ATP4A: variants seen among roughly 807,000 people sequenced by gnomAD.
ATP4A encodes potassium-transporting ATPase alpha chain 1.
Under a neutral mutation model 112.1 loss-of-function variants are expected in ATP4A, and 73 were observed. The ratio of observed to expected loss-of-function variants is 0.65; its 90% CI spans 0.54 to 0.79. The LOEUF is 0.79. Among genes scored for constraint, ATP4A ranks in the 30% least tolerant of loss-of-function variants. The pLI, the probability that ATP4A is intolerant of heterozygous loss-of-function variation, is 0.00. For synonymous variants in ATP4A, 588 were observed against 588.9 expected, an observed-to-expected ratio of 1.00 and a Z score of 0.02; for missense variants, 1,081 against 1,425.9, an observed-to-expected ratio of 0.76 and a Z score of 3.90.
chr19:35,557,619 G>C lies in ATP4A; in HGVS notation c.1693+36C>G. 1.9e-6 allele frequency: 3 copies of C among 1,571,020 alleles called. No individual in the cohort carries two copies. The South Asian group carries it at 3.5e-5, about 18-fold the overall frequency. ...GCAGGGTCTGTGCTAGCTCCTCCTC[G>C]CACCTGGAGTCTCCTCCCCTGCCCA... On this transcript the variant is annotated intron_variant, in intron 11 of 21. Transcript: ENST00000262623. This position sits in a 1 kb window ranked among gnomAD's most constrained non-coding sequence, Gnocchi z 4.4.
At position 35,557,645 on chromosome 19, in the gene ATP4A, G is replaced by A. The variant is rs1458213326; in HGVS notation, c.1693+10C>T. 1.2e-6 allele frequency: 2 copies of A among 1,601,368 alleles called. No homozygotes were observed. Among genetic ancestry groups the A allele is most frequent in the South Asian group, 2.2e-5 (2 of 88,992 alleles). On this transcript the variant is annotated intron_variant, in intron 11 of 21. Coordinates refer to ENST00000262623, the MANE Select transcript of ATP4A (RefSeq NM_000704.3). This position sits in a 1 kb window ranked among gnomAD's most constrained non-coding sequence, Gnocchi z 4.4. ...CACCTGGAGTCTCCTCCCCTGCCCA[G>A]GGGTCTCACCGAGCACGCGTTCGCC...
intron 18 of ATP4A, among the ~76,000 whole-genome samples, chr19:35,552,121 A>T (rs999456103): frequency 6.6e-6 from 1 of 152,016 alleles, no homozygotes; most frequent in Admixed American, 6.6e-5. Flanking sequence ...ATCTCAGCTC[A>T]CTGCAACTTC....
In ATP4A at chr19:35,559,599, G is replaced by T. The variant is rs900397272; in HGVS notation, c.1056+206C>A. Among the ~76,000 whole-genome samples the T allele has an allele frequency of 6.6e-6, 1 of 152,248 alleles. No homozygotes were observed. Among genetic ancestry groups the T allele is most frequent in the Non-Finnish European group, 1.5e-5 (1 of 68,038 alleles). ...TTAAGGACCCGGCCTCGTCATCTCTGCGCCCTCAATGTGTGGCACAGGACT... is the reference window on the plus strand; with the variant it reads ...TTAAGGACCCGGCCTCGTCATCTCTTCGCCCTCAATGTGTGGCACAGGACT... On this transcript the variant is annotated intron_variant, in intron 7 of 21. Coordinates refer to ENST00000262623, the MANE Select transcript of ATP4A (RefSeq NM_000704.3). The surrounding 1 kb of genome is among the most constrained non-coding windows in gnomAD (Gnocchi z 4.1).
rs146641851 is a variant in ATP4A, at chr19:35,550,894, C to T, written c.3019G>A (p.Gly1007Ser). The T allele has an allele frequency of 2.5e-5, 40 of 1,614,030 alleles. No homozygotes were observed. In the African/African-American group the frequency reaches 3.7e-4, roughly 15 times the overall value. Reference protein sequence around the residue: ...FQWWLVPLPYGILIFVYDEIR... With the variant: ...FQWWLVPLPYSILIFVYDEIR... ...TCATCATAGACGAAGATGAGGATGC[C>T]GTAGGGCAGGGGGACCAGCCACCAC... is the stretch of plus-strand genomic sequence containing the variant. The change falls in exon 21 of 22, where the codon GGC becomes AGC. Residue 1007 changes from glycine (G) to serine (S), a missense_variant. Physicochemically the swap from Gly to Ser is moderately conservative, Grantham distance 56. Around this residue, in one of 3 missense-constraint regions of ATP4A, gnomAD observed 219 missense variants for 320.9 expected, o/e 0.68. Transcript: ENST00000262623. The surrounding 1 kb of genome is among the most constrained non-coding windows in gnomAD (Gnocchi z 4.1).
At position 35,551,600 on chromosome 19, in the gene ATP4A, GGAAACAGCCTGA is replaced by G. The variant is rs775630842; in HGVS notation, c.2752-32_2752-21del. Reference sequence around the variant, plus strand: ...GAATGTCTGCAGGCCAGGGGCAAACGGAAACAGCCTGAGTCCAGCCTGAGTCCCGGCGGAGAG... The same window carrying G: ...GAATGTCTGCAGGCCAGGGGCAAACGGTCCAGCCTGAGTCCCGGCGGAGAG... On this transcript the variant is annotated intron_variant, in intron 18 of 21. Coordinates refer to ENST00000262623, the MANE Select transcript of ATP4A (RefSeq NM_000704.3). The surrounding 1 kb of genome is among the most constrained non-coding windows in gnomAD (Gnocchi z 5.2). The G allele has an allele frequency of 3.5e-5, 57 of 1,607,442 alleles. No homozygotes were observed. Among genetic ancestry groups the G allele is most frequent in the Non-Finnish European group, 4.7e-5 (55 of 1,177,056 alleles).
intron 4 of ATP4A, among the ~76,000 whole-genome samples, chr19:35,561,670 A>G (rs1599575448): frequency 6.7e-6 from 1 of 148,932 alleles, no homozygotes; most frequent in Non-Finnish European, 1.5e-5. Flanking sequence ...CTGCACCTCC[A>G]TTTCCTCTCT....
rs2071641369 is a variant in ATP4A, at chr19:35,557,900, G to A, written c.1501-53C>T. 8.5e-7 allele frequency: 1 copy of A among 1,175,594 alleles called. No individual in the cohort carries two copies. The highest frequency in any genetic ancestry group is 1.1e-6 in the Non-Finnish European group (1 of 878,238). 72.8% of individuals were successfully genotyped at this position (1,175,594 alleles called of 1,614,324 possible). On this transcript the variant is annotated intron_variant, in intron 10 of 21. Coordinates refer to ENST00000262623, the MANE Select transcript of ATP4A (RefSeq NM_000704.3). The surrounding 1 kb of genome is among the most constrained non-coding windows in gnomAD (Gnocchi z 4.4). Reference sequence around the variant, plus strand: ...GTGGACGGGGGAACGGGGCGGGGCTGTGGACGAGGGAACGGGGCGGGGCTG... The same window carrying A: ...GTGGACGGGGGAACGGGGCGGGGCTATGGACGAGGGAACGGGGCGGGGCTG...
rs2071684952 is a variant in ATP4A at position 35,563,500 on chromosome 19, G to A, written c.40C>T (p.Leu14=). Residue 14 remains leucine, a synonymous_variant, in exon 2 of 22, where the codon CTG becomes TTG. Transcript: ENST00000262623. The stretch of plus-strand genomic sequence containing the variant: ...ATGTCCCCGCCAGGGCCAGGACCCA[G>A]CTCCACCGAGTAGAGCTCATAGTTC... ...AENYELYSVE[L]GPGPGGDMAA... 2 of 1,613,060 alleles carry A rather than the reference G, an allele frequency of 1.2e-6. No individual in the cohort carries two copies. The highest frequency in any genetic ancestry group is 4.5e-5 in the East Asian group (2 of 44,806).
At chr19:35,563,116 C>T (rs7247310) in intron 3 of ATP4A, 93 bp downstream of exon 3, 161,057 of 1,419,654 alleles carry the variant, frequency 0.11, 10,198 homozygotes, top group African/African-American at 0.19. Flanking sequence ...TCATCTCTCC[C>T]TCTCTCTCCC....
rs148977576 is a variant in ATP4A at position 35,555,470 on chromosome 19, C to T, written c.2127G>A (p.Lys709=). 385 of 1,612,094 alleles carry T rather than the reference C, an allele frequency of 2.4e-4. No homozygotes were observed. Among genetic ancestry groups the T allele is most frequent in the Non-Finnish European group, 3.1e-4 (368 of 1,178,990 alleles). The part of the protein sequence containing the change: ...MVFARTSPQQ[K]LVIVESCQRL... ...GCTGGCAGCTCTCCACGATCACCAG[C>T]TTCTGCTGGGGGCTGGTGCGCGCAA... Residue 709 remains lysine (K), a synonymous_variant, in exon 14 of 22, where the codon AAG becomes AAA. Transcript: ENST00000262623. The surrounding 1 kb of genome is among the most constrained non-coding windows in gnomAD (Gnocchi z 6.6).
Position 35,550,445 on chromosome 19 carries a change from G to T in ATP4A, c.*170C>A. The T allele has an allele frequency of 1.2e-6, 1 of 804,880 alleles. No homozygotes were observed. Among genetic ancestry groups the T allele is most frequent in the Non-Finnish European group, 2.0e-6 (1 of 508,780 alleles). The allele number at this position is 804,880 out of a possible 1,614,324, so 49.9% of individuals were successfully genotyped here. On this transcript the variant is annotated 3_prime_UTR_variant, in exon 22 of 22. Coordinates refer to ENST00000262623, the MANE Select transcript of ATP4A (RefSeq NM_000704.3). The surrounding 1 kb of genome is among the most constrained non-coding windows in gnomAD (Gnocchi z 4.1). Reference sequence around the variant, plus strand: ...GTGCGAACCTTGGGAATGGGGGAGGGGAGTGGGCAGGTCCCTCCAAGTTTG... The same window carrying T: ...GTGCGAACCTTGGGAATGGGGGAGGTGAGTGGGCAGGTCCCTCCAAGTTTG...
At position 35,557,251 on chromosome 19, in the gene ATP4A, AC is replaced by A. The variant is rs553588769; in HGVS notation, c.1694-164del. Among the ~76,000 whole-genome samples, 241 of 151,806 alleles carry A rather than the reference AC, an allele frequency of 1.6e-3. No individual in the cohort carries two copies. The highest frequency in any genetic ancestry group is 2.6e-3 in the Non-Finnish European group (177 of 67,938). On this transcript the variant is annotated intron_variant, in intron 11 of 21. Transcript: ENST00000262623. The surrounding 1 kb of genome is among the most constrained non-coding windows in gnomAD (Gnocchi z 4.4). ...ATTATCTGAATCTACCCTCACAACC[AC>A]CCTGTGAGGCCCATTCTCATCTTAC... is the stretch of plus-strand genomic sequence containing the variant.
At position 35,560,408 on chromosome 19, in the gene ATP4A, G is replaced by A; in HGVS notation, c.742C>T (p.Leu248=). The A allele has an allele frequency of 6.2e-7, 1 of 1,614,062 alleles. No individual in the cohort carries two copies. The highest frequency in any genetic ancestry group is 8.5e-7 in the Non-Finnish European group (1 of 1,180,018). ...AAGAAGGCGATGTTGCGGGTCTCCA[G>A]AGGGCTCTCGTGCGTGCACTCGGGT... ...RSPECTHESP[L]ETRNIAFFST... is the part of the protein sequence containing the mutation. The change falls in exon 6 of 22, where the codon CTG becomes TTG. Residue 248 remains leucine, a synonymous_variant. Coordinates refer to ENST00000262623, the MANE Select transcript of ATP4A (RefSeq NM_000704.3). This position sits in a 1 kb window ranked among gnomAD's most constrained non-coding sequence, Gnocchi z 5.1.
chr19:35,555,152 G>C lies in ATP4A; in HGVS notation c.2326+14C>G. On this transcript the variant is annotated intron_variant, in intron 15 of 21. Transcript: ENST00000262623. The surrounding 1 kb of genome is among the most constrained non-coding windows in gnomAD (Gnocchi z 6.6). Reference sequence around the variant, plus strand: ...TGCCCACACTGCCTGCCCTCCCCCTGGCGTGGCTCGGACCCTGCTCCACGC... The same window carrying C: ...TGCCCACACTGCCTGCCCTCCCCCTCGCGTGGCTCGGACCCTGCTCCACGC... 6.2e-7 allele frequency: 1 copy of C among 1,614,086 alleles called. No individual in the cohort carries two copies. Among genetic ancestry groups the C allele is most frequent in the African/African-American group, 1.3e-5 (1 of 75,022 alleles).
chr19:35,560,064 T>C lies in ATP4A; in HGVS notation c.797A>G (p.Gln266Arg), dbSNP rs1357393399. ...FSTMCLEGTV[Q>R]GLVVNTGDRT... ...GTCGCCCGTGTTCACCACCAGGCCC[T>C]GCACGGTGCCTGCAGGGGGGCCAAG... Residue 266 changes from glutamine to arginine, a missense_variant, in exon 7 of 22, where the codon CAG becomes CGG. Around this residue, in one of 3 missense-constraint regions of ATP4A, gnomAD observed 850 missense variants for 1,068.2 expected, o/e 0.80. Transcript: ENST00000262623. This position sits in a 1 kb window ranked among gnomAD's most constrained non-coding sequence, Gnocchi z 5.1. The C allele has an allele frequency of 6.2e-7, 1 of 1,613,728 alleles. No homozygotes were observed. Among genetic ancestry groups the C allele is most frequent in the Non-Finnish European group, 8.5e-7 (1 of 1,179,790 alleles).
chr19:35,560,600 G>A lies in ATP4A; in HGVS notation c.550C>T (p.Arg184Cys), dbSNP rs779456771. ...TTGATCTGGAATTTGTCTCCATCGC[G>A]GATGACAGTGGCTTGCTGCGGGGCA... is the stretch of plus-strand genomic sequence containing the variant. ...NLVPQQATVIRDGDKFQINAD... is the reference protein window; with the variant it reads ...NLVPQQATVICDGDKFQINAD... The change falls in exon 6 of 22, where the codon CGC becomes TGC. Residue 184 changes from arginine to cysteine, a missense_variant. By Grantham distance (180) the Arg-to-Cys change is radical. Coordinates refer to ENST00000262623, the MANE Select transcript of ATP4A (RefSeq NM_000704.3). This position sits in a 1 kb window ranked among gnomAD's most constrained non-coding sequence, Gnocchi z 5.1. 6.2e-6 allele frequency: 10 copies of A among 1,611,558 alleles called. No individual in the cohort carries two copies. Among genetic ancestry groups the A allele is most frequent in the South Asian group, 2.2e-5 (2 of 91,044 alleles).
rs762706351 is a variant in ATP4A, at chr19:35,555,498, A to G, written c.2099T>C (p.Val700Ala). 3.7e-6 allele frequency: 6 copies of G among 1,608,902 alleles called. No homozygotes were observed. Among genetic ancestry groups the G allele is most frequent in the Admixed American group, 1.7e-5 (1 of 59,596 alleles). Reference sequence around the variant, plus strand: ...CTGCTGGGGGCTGGTGCGCGCAAACACCATCTCGGGGTGGGTGCGCAGGGC... The same window carrying G: ...CTGCTGGGGGCTGGTGCGCGCAAACGCCATCTCGGGGTGGGTGCGCAGGGC... ...VEALRTHPEM[V>A]FARTSPQQKL... Residue 700 changes from valine to alanine, a missense_variant, in exon 14 of 22, where the codon GTG becomes GCG. Around this residue, in one of 3 missense-constraint regions of ATP4A, gnomAD observed 850 missense variants for 1,068.2 expected, o/e 0.80. Coordinates refer to ENST00000262623, the MANE Select transcript of ATP4A (RefSeq NM_000704.3). This position sits in a 1 kb window ranked among gnomAD's most constrained non-coding sequence, Gnocchi z 6.6.
In ATP4A at chr19:35,550,678, G is replaced by C; in HGVS notation, c.3080-35C>G. 6.2e-7 allele frequency: 1 copy of C among 1,613,720 alleles called. No individual in the cohort carries two copies. Among genetic ancestry groups the C allele is most frequent in the Non-Finnish European group, 8.5e-7 (1 of 1,179,748 alleles). On this transcript the variant is annotated intron_variant, in intron 21 of 21. Transcript: ENST00000262623. The surrounding 1 kb of genome is among the most constrained non-coding windows in gnomAD (Gnocchi z 4.1). ...AGAGGGAGAAAGGAGACTCAGTGCT[G>C]GGGGTGCCACTTAGGCAGGGCCAGG...
Position 35,550,423 on chromosome 19 carries a change from C to T in ATP4A, c.*192G>A, listed in dbSNP as rs563192164. 81 of 715,134 alleles carry T rather than the reference C, an allele frequency of 1.1e-4. No homozygotes were observed. The highest frequency in any genetic ancestry group is 2.8e-4 in the Admixed American group (10 of 36,264). 44.3% of individuals were successfully genotyped at this position (715,134 alleles called of 1,614,324 possible). The stretch of plus-strand genomic sequence containing the variant: ...CCAGGCGCTGCTGCTCCAGGAGGTG[C>T]GAACCTTGGGAATGGGGGAGGGGAG... On this transcript the variant is annotated 3_prime_UTR_variant, in exon 22 of 22. Coordinates refer to ENST00000262623, the MANE Select transcript of ATP4A (RefSeq NM_000704.3). The surrounding 1 kb of genome is among the most constrained non-coding windows in gnomAD (Gnocchi z 4.1).
Sources: allele counts gnomAD v4.1 joint callset (sites outside exome capture counted in the v4.1 genomes callset), GRCh38; gene constraint gnomAD v4.1.1; regional missense constraint gnomAD v4.1.1; non-coding constraint Gnocchi (gnomAD v3.1); transcripts MANE v1.5; gene names NCBI Gene and HGNC (gene_info 2026-07-23, HGNC 2026-07-21).